Variants in ZNF264 observed in about 807,000 individuals in gnomAD.
ZNF264 encodes the protein zinc finger protein 264.
Under a neutral mutation model 11.2 loss-of-function variants are expected in ZNF264, and 11 were observed. The ratio of observed to expected loss-of-function variants is 0.98; its 90% CI spans 0.62 to 1.63. The LOEUF is 1.63. Ranked by LOEUF, ZNF264 falls within the 40% of genes most tolerant of loss-of-function variation. The pLI is 0.00. For missense variants in ZNF264, 752 were observed against 768.1 expected (o/e 0.98, Z 0.25); for synonymous variants, 309 against 279.8 (o/e 1.10, Z -1.04).
rs1409146631 is a variant in ZNF264, at chr19:57,216,865, T to G, written c.*3884T>G. ...AGTCTTCCTATAGGTTACTTCACCT[T>G]TTTTTTTTTTAATAATTTGATTTGA... is the stretch of plus-strand genomic sequence containing the variant. On this transcript the variant is annotated 3_prime_UTR_variant, in exon 4 of 4. Transcript: ENST00000263095. 1 of 147,044 alleles carries G rather than the reference T, an allele frequency of 6.8e-6. No homozygotes were observed. 9.1% of individuals were successfully genotyped at this position (147,044 alleles called of 1,614,324 possible).
At chr19:57,210,947 T>G (rs2087329816) in intron 3 of ZNF264, among the ~76,000 whole-genome samples, 1 of 152,244 alleles carries the variant, frequency 6.6e-6, no homozygotes, top group African/African-American at 2.4e-5. Flanking sequence ...CTTTGGGGAT[T>G]AATTTTTGTT....
rs1196061246 is a variant in ZNF264 at position 57,217,826 on chromosome 19, C to CT, written c.*4846dup. On this transcript the variant is annotated 3_prime_UTR_variant, in exon 4 of 4. Coordinates refer to ENST00000263095, the MANE Select transcript of ZNF264 (RefSeq NM_003417.5). Reference sequence around the variant, plus strand: ...TTTTTTAAAGAGACAGAGTCTCACTCTGTCACCCAGGCTGGAGTGCAGTGG... The same window carrying CT: ...TTTTTTAAAGAGACAGAGTCTCACTCTTGTCACCCAGGCTGGAGTGCAGTGG... The CT allele has an allele frequency of 1.5e-5, 2 of 134,290 alleles. No individual in the cohort carries two copies. Among genetic ancestry groups the CT allele is most frequent in the South Asian group, 2.4e-4 (1 of 4,164 alleles). 8.3% of individuals were successfully genotyped at this position (134,290 alleles called of 1,614,324 possible).
chr19:57,194,268 G>C (rs535186808), intron 2 of ZNF264: 437 of 474,210 alleles, frequency 9.2e-4, no homozygotes, highest in Non-Finnish European at 1.4e-3. Flanking sequence ...ATTTTCAGCT[G>C]TGCCTCATGA....
chr19:57,200,335 C>T (rs1015819782), intron 2 of ZNF264, among the ~76,000 whole-genome samples: 4 of 151,384 alleles, frequency 2.6e-5, no homozygotes, highest in African/African-American at 2.4e-5. Flanking sequence ...ACCTTTTTTG[C>T]CATCCCCCAA....
In ZNF264 at chr19:57,211,879, G is replaced by A; in HGVS notation, c.782G>A (p.Cys261Tyr). 1 of 1,614,204 alleles carries A rather than the reference G, an allele frequency of 6.2e-7. No homozygotes were observed. The highest frequency in any genetic ancestry group is 1.1e-5 in the South Asian group (1 of 91,082). Residue 261 changes from cysteine to tyrosine, a missense_variant, in exon 4 of 4, where the codon TGC becomes TAC. Coordinates refer to ENST00000263095, the MANE Select transcript of ZNF264 (RefSeq NM_003417.5). Reference protein sequence around the residue: ...MIHTGERPYECMECGKAFNRK... With the variant: ...MIHTGERPYEYMECGKAFNRK... ...CACACTGGGGAGAGGCCCTATGAGT[G>A]CATGGAGTGTGGAAAGGCCTTCAAC... is the stretch of plus-strand genomic sequence containing the variant.
intron 2 of ZNF264, among the ~76,000 whole-genome samples, chr19:57,204,229 A>C (rs1046601939): frequency 2.6e-5 from 4 of 151,712 alleles, no homozygotes; most frequent in East Asian, 1.9e-4. Flanking sequence ...AAAAAAAAAA[A>C]AAAAAACTGT....
chr19:57,196,391 T>G (rs1599945400), intron 2 of ZNF264, among the ~76,000 whole-genome samples: 1 of 151,976 alleles, frequency 6.6e-6, no homozygotes, highest in African/African-American at 2.4e-5. Context: ...GCCCTTTCCA[T>G]GATGGAAGAG....
chr19:57,195,795 G>A (rs2087207750), intron 2 of ZNF264, among the ~76,000 whole-genome samples: 1 of 151,820 alleles, frequency 6.6e-6, no homozygotes, highest in South Asian at 2.1e-4. Flanking sequence ...TGTCCAGGTG[G>A]CAATCTTAAC....
In ZNF264 at chr19:57,211,619, G is replaced by A. The variant is rs754446379; in HGVS notation, c.522G>A (p.Glu174=). 8 of 1,614,150 alleles carry A rather than the reference G, an allele frequency of 5.0e-6. No individual in the cohort carries two copies. The highest frequency in any genetic ancestry group is 6.8e-6 in the Non-Finnish European group (8 of 1,180,008). Residue 174 remains glutamate, a synonymous_variant, in exon 4 of 4, where the codon GAG becomes GAA. Transcript: ENST00000263095. The stretch of plus-strand genomic sequence containing the variant: ...GTGTGTGTTCAAGGATTGGACAGGA[G>A]CAAGTCTCTCCAGGAGATAGAGTCC... The part of the protein sequence containing the change: ...ADGVCSRIGQ[E]QVSPGDRVRS...
At chr19:57,203,316 G>T (rs1292176801) in intron 2 of ZNF264, among the ~76,000 whole-genome samples, 1 of 152,054 alleles carries the variant, frequency 6.6e-6, no homozygotes, top group African/African-American at 2.4e-5. Flanking sequence ...TTGGGGTTAG[G>T]TGGATTGCAC....
Position 57,220,006 on chromosome 19 carries a change from T to A in ZNF264, c.*7025T>A, listed in dbSNP as rs2087406060. 1 of 152,256 alleles carries A rather than the reference T, an allele frequency of 6.6e-6. No homozygotes were observed. The highest frequency in any genetic ancestry group is 2.1e-4 in the South Asian group (1 of 4,836). The allele number at this position is 152,256 out of a possible 1,614,324, so 9.4% of individuals were successfully genotyped here. On this transcript the variant is annotated 3_prime_UTR_variant, in exon 4 of 4. Transcript: ENST00000263095. ...TTACATGCATCAGCTCTTTCAACAT[T>A]TACAGCATCTGTGTGTGGTAGGTAA...
intron 2 of ZNF264, among the ~76,000 whole-genome samples, chr19:57,194,578 C>G (rs555263965): frequency 6.6e-6 from 1 of 152,182 alleles, no homozygotes; most frequent in East Asian, 1.9e-4. Context: ...GTCCAATGTT[C>G]GAGGGCAGGA....
At chr19:57,195,390 T>G (rs968822634) in intron 2 of ZNF264, among the ~76,000 whole-genome samples, 2 of 152,234 alleles carry the variant, frequency 1.3e-5, no homozygotes, top group African/African-American at 4.8e-5. Flanking sequence ...ACAATTACAG[T>G]CCTCATTTCT....
chr19:57,207,676 C>T (rs1342362493), intron 3 of ZNF264, among the ~76,000 whole-genome samples: 21 of 150,500 alleles, frequency 1.4e-4, no homozygotes, highest in Admixed American at 1.4e-3. Context: ...CATGCCATTA[C>T]ACCCGGCTAA....
At chr19:57,192,487 C>T (rs1022709281) in intron 1 of ZNF264, 1 of 985,272 alleles carries the variant, frequency 1.0e-6, no homozygotes, top group South Asian at 4.7e-5. Flanking sequence ...TTATCCTTGG[C>T]CGCTCGTGTT....
In ZNF264 at chr19:57,205,465, G is replaced by T; in HGVS notation, c.229G>T (p.Glu77Ter). 1 of 1,612,000 alleles carries T rather than the reference G, an allele frequency of 6.2e-7. No homozygotes were observed. Among genetic ancestry groups the T allele is most frequent in the South Asian group, 1.1e-5 (1 of 90,368 alleles). The change falls in exon 3 of 4, where the codon GAA becomes TAA. Residue 77 changes from glutamate to a stop codon, truncating the protein, a stop_gained. Transcript: ENST00000263095. LOFTEE classifies it low-confidence loss of function (END_TRUNC). ...TGGGCAGGAGCCATGGACCAGGAAGGAAGACCTCTCCCAAGACACCTGTCC... is the reference window on the plus strand; with the variant it reads ...TGGGCAGGAGCCATGGACCAGGAAGTAAGACCTCTCCCAAGACACCTGTCC... ...EHGQEPWTRKEDLSQDTCPGD... is the reference protein window; with the variant it reads ...EHGQEPWTRK
intron 2 of ZNF264, among the ~76,000 whole-genome samples, chr19:57,200,408 C>T (rs1292132561): frequency 6.8e-6 from 1 of 146,678 alleles, no homozygotes; most frequent in Non-Finnish European, 1.5e-5. Context: ...AAGTTTGAGA[C>T]AAAGCCTGGG....
chr19:57,202,945 C>T (rs1599949279), intron 2 of ZNF264, among the ~76,000 whole-genome samples: 1 of 149,336 alleles, frequency 6.7e-6, no homozygotes, highest in Non-Finnish European at 1.5e-5. Context: ...CGAAGCTATC[C>T]CTGCGTGGAT....
chr19:57,213,043 G>C lies in ZNF264; in HGVS notation c.*62G>C. The C allele has an allele frequency of 6.7e-7, 1 of 1,487,682 alleles. No homozygotes were observed. The highest frequency in any genetic ancestry group is 1.4e-5 in the African/African-American group (1 of 71,442). The allele number at this position is 1,487,682 out of a possible 1,614,324, so 92.2% of individuals were successfully genotyped here. A position where few individuals can be genotyped will look rare whatever the true frequency, so the allele number is the denominator to read the frequency against. On this transcript the variant is annotated 3_prime_UTR_variant, in exon 4 of 4. Transcript: ENST00000263095. ...AAGAGTCATATTAGAAATTCGTTCA[G>C]TCTAGAGCCTTATTCTCCATCTGAT... is the stretch of plus-strand genomic sequence containing the variant.
Sources: gnomAD v4.1 joint callset for allele counts (sites outside exome capture counted in the v4.1 genomes callset) on GRCh38, gnomAD v4.1.1 for gene constraint, MANE v1.5 for transcripts, NCBI Gene and HGNC (gene_info 2026-07-23, HGNC 2026-07-21) for gene names.